Variants in PCBP3 observed in about 807,000 individuals in gnomAD.
PCBP3 encodes poly(rC) binding protein 3, also known as poly(rC)-binding protein 3.
Under a neutral mutation model 52.7 loss-of-function variants are expected in PCBP3, and 25 were observed. That is an observed-to-expected ratio of 0.47 (90% confidence interval 0.35 to 0.66). The LOEUF is 0.66. Ranked by LOEUF, PCBP3 falls within the 30% of genes least tolerant of loss-of-function variation. The pLI is 0.01. For synonymous variants in PCBP3, 162 were observed against 183.0 expected (o/e 0.89, Z 0.93); for missense variants, 391 against 490.3 (o/e 0.80, Z 1.91).
rs1053121410 is a variant in PCBP3 at position 45,889,365 on chromosome 21, T to A, written c.11-6843T>A. On this transcript the variant is annotated intron_variant, in intron 5 of 17. Transcript: ENST00000681687. ...GCCTGCTTAGAAGCTGTCAGGACCG[T>A]CTTCTCTACTGTTCCCCTGATGCCT... 2.0e-5 allele frequency among the ~76,000 whole-genome samples: 3 copies of A among 152,348 alleles called. No individual in the cohort carries two copies. The South Asian group carries it at 6.2e-4, about 32-fold the overall frequency.
intron 4 of PCBP3, among the ~76,000 whole-genome samples, chr21:45,846,657 T>G (rs1476090372): frequency 6.6e-6 from 1 of 152,226 alleles, no homozygotes; most frequent in African/African-American, 2.4e-5. Flanking sequence ...GTTTCTGCAT[T>G]ATAAAGCCAG....
At chr21:45,927,344 T>TCCTCTCCTCTC (rs2075598598) in intron 13 of PCBP3, among the ~76,000 whole-genome samples, 1 of 418 alleles carries the variant, frequency 2.4e-3, no homozygotes, top group Non-Finnish European at 5.4e-3. Flanking sequence ...TCCCCTCCTC[T>TCCTCTCCTCTC]CCCTCCCTCC....
intron 4 of PCBP3, among the ~76,000 whole-genome samples, chr21:45,798,170 C>T (rs797011105): frequency 7.0e-6 from 1 of 143,612 alleles, no homozygotes. Context: ...TGCATGGATC[C>T]ATAGAGAGAG....
intron 13 of PCBP3, chr21:45,918,249 G>C (rs1879722733): frequency 6.4e-6 from 1 of 155,870 alleles, no homozygotes; most frequent in South Asian, 2.0e-4. Context: ...CATGACCGGG[G>C]GCTCCGACAC....
rs2091571027 is a variant in PCBP3, at chr21:45,791,564, A to G, written c.-126+36112A>G. Reference sequence around the variant, plus strand: ...GTGATCTGGGCTAGGGAAGGAGAGAAGCTCGCGAGGGAGGTGTGCAACAGC... The same window carrying G: ...GTGATCTGGGCTAGGGAAGGAGAGAGGCTCGCGAGGGAGGTGTGCAACAGC... On this transcript the variant is annotated intron_variant, in intron 4 of 17. Coordinates refer to ENST00000681687, the MANE Select transcript of PCBP3 (RefSeq NM_001384156.1). The surrounding 1 kb of genome is among the most constrained non-coding windows in gnomAD (Gnocchi z 4.2). Among the ~76,000 whole-genome samples the G allele has an allele frequency of 6.6e-6, 1 of 152,234 alleles. No homozygotes were observed. Among genetic ancestry groups the G allele is most frequent in the Non-Finnish European group, 1.5e-5 (1 of 68,040 alleles).
intron 4 of PCBP3, among the ~76,000 whole-genome samples, chr21:45,810,584 C>T (rs775702447): frequency 1.3e-5 from 2 of 152,084 alleles, no homozygotes; most frequent in Non-Finnish European, 1.5e-5. Context: ...ACTTTTTTCA[C>T]TAATATTTTG....
chr21:45,644,419 GTTTTA>G (rs775889079), intron 1 of PCBP3, among the ~76,000 whole-genome samples: 2 of 151,930 alleles, frequency 1.3e-5, no homozygotes, highest in South Asian at 4.1e-4. Context: ...TGCTCGCTGT[GTTTTA>G]TTTTAATTTT....
chr21:45,933,551 C>T (rs145323516), intron 15 of PCBP3, among the ~76,000 whole-genome samples: 2 of 152,282 alleles, frequency 1.3e-5, no homozygotes, highest in Non-Finnish European at 2.9e-5. Flanking sequence ...TTTTCAGTGA[C>T]ATTTTAAATA....
intron 1 of PCBP3, among the ~76,000 whole-genome samples, chr21:45,664,182 A>G (rs938192564): frequency 6.0e-5 from 8 of 133,528 alleles, no homozygotes; most frequent in Non-Finnish European, 1.6e-5. Flanking sequence ...AAAATCCTAA[A>G]AGAAGTCAGA....
intron 1 of PCBP3, among the ~76,000 whole-genome samples, chr21:45,655,444 T>G (rs1449812010): frequency 6.6e-6 from 1 of 152,190 alleles, no homozygotes; most frequent in African/African-American, 2.4e-5. Context: ...TATTTTCCAG[T>G]TTTTTGATTA....
intron 5 of PCBP3, among the ~76,000 whole-genome samples, chr21:45,851,319 C>A (rs1455130591): frequency 6.6e-6 from 1 of 152,204 alleles, no homozygotes; most frequent in Non-Finnish European, 1.5e-5. Context: ...TTGAGACCAG[C>A]CTGGCCAACA....
intron 2 of PCBP3, among the ~76,000 whole-genome samples, chr21:45,732,466 C>T (rs565260888): frequency 2.7e-5 from 4 of 148,030 alleles, no homozygotes; most frequent in African/African-American, 9.9e-5. Context: ...TTTAGCTGCT[C>T]TTGCCATAAT....
At chr21:45,784,335 GCTCTACCTCTACCTCTACCTCTAC>G (rs1209477660) in intron 4 of PCBP3, among the ~76,000 whole-genome samples, 9 of 105,776 alleles carry the variant, frequency 8.5e-5, no homozygotes, top group Non-Finnish European at 1.3e-4. Context: ...AATAGTGACA[GCTCTACCTCTACCTCTACCTCTAC>G]CTCTACCTCT....
At chr21:45,815,828 GTGAGTGAGTGGTGAGTGA>G in intron 4 of PCBP3, among the ~76,000 whole-genome samples, 2 of 108,628 alleles carry the variant, frequency 1.8e-5, no homozygotes, top group African/African-American at 3.8e-5. Context: ...GTGGTGAGTG[GTGAGTGAGTGGTGAGTGA>G]TGAGTGAGTG....
chr21:45,879,634 A>T (rs1158290529), intron 5 of PCBP3, among the ~76,000 whole-genome samples: 1 of 152,208 alleles, frequency 6.6e-6, no homozygotes, highest in Non-Finnish European at 1.5e-5. Flanking sequence ...GCCACAGTAG[A>T]ATTAAACTAT....
intron 4 of PCBP3, among the ~76,000 whole-genome samples, chr21:45,844,037 G>T (rs991411785): frequency 1.3e-5 from 2 of 151,946 alleles, no homozygotes; most frequent in African/African-American, 4.8e-5. Flanking sequence ...CCTTCTTGTA[G>T]CATTCTTCCT....
intron 2 of PCBP3, among the ~76,000 whole-genome samples, chr21:45,690,756 C>A (rs2082414050): frequency 6.6e-6 from 1 of 151,828 alleles, no homozygotes; most frequent in Non-Finnish European, 1.5e-5. Context: ...GCTAAAAGCA[C>A]AAGGAGATAT....
intron 2 of PCBP3, among the ~76,000 whole-genome samples, chr21:45,672,377 A>G (rs899899892): frequency 2.6e-5 from 4 of 152,092 alleles, no homozygotes; most frequent in African/African-American, 9.7e-5. Flanking sequence ...AATAGGGAGT[A>G]CATCTTTCTT....
intron 4 of PCBP3, chr21:45,761,095 C>T (rs2088606436): frequency 6.6e-6 from 1 of 151,848 alleles, no homozygotes; most frequent in Non-Finnish European, 1.5e-5. Context: ...AAAAAAAGTT[C>T]CGTGGGAAGA....
Sources: gnomAD v4.1 joint callset for allele counts (sites outside exome capture counted in the v4.1 genomes callset) on GRCh38, gnomAD v4.1.1 for gene constraint, Gnocchi (gnomAD v3.1) non-coding constraint, MANE v1.5 for transcripts, NCBI Gene and HGNC (gene_info 2026-07-23, HGNC 2026-07-21) for gene names.